Variants in EYS observed in about 807,000 individuals in gnomAD.
EYS encodes the protein EGF-like photoreceptor maintenance factor.
Under a neutral mutation model 282.1 loss-of-function variants are expected in EYS, and 250 were observed. The ratio of observed to expected loss-of-function variants is 0.89; its 90% CI spans 0.80 to 0.98. The LOEUF (loss-of-function observed/expected upper bound fraction) is 0.98, where lower values mean the gene tolerates loss of function less well. EYS is among the 50% of genes least tolerant of loss of function. EYS has a pLI of 0.00. For synonymous variants in EYS, 1,355 were observed against 1,282.9 expected, an observed-to-expected ratio of 1.06 and a Z score of -1.20; for missense variants, 4,016 against 3,709.0, an observed-to-expected ratio of 1.08 and a Z score of -2.15.
chr6:65,419,519 A>T (rs1242874038), intron 5 of EYS, among the ~76,000 whole-genome samples: 2 of 151,916 alleles, frequency 1.3e-5, no homozygotes, highest in Non-Finnish European at 2.9e-5. Context: ...AAACCTGTGT[A>T]ATCTGTACAA....
Position 63,806,323 on chromosome 6 carries a change from GTAT to G in EYS, c.7275_7277del (p.Tyr2426del). 1 of 1,551,162 alleles carries G rather than the reference GTAT, an allele frequency of 6.4e-7. No homozygotes were observed. Among genetic ancestry groups the G allele is most frequent in the Non-Finnish European group, 8.7e-7 (1 of 1,146,574 alleles). The stretch of plus-strand genomic sequence containing the variant: ...TCCGTGAATAAGCCAGGAATGAGGT[GTAT>G]CCAAAGGCATCTGTGCCACTGAACC... On this transcript the variant is annotated inframe_deletion, in exon 37 of 43. Transcript: ENST00000503581.
intron 33 of EYS, among the ~76,000 whole-genome samples, chr6:64,063,088 A>G (rs1771235897): frequency 6.6e-6 from 1 of 152,064 alleles, no homozygotes; most frequent in Admixed American, 6.5e-5. Context: ...TTATGATTTC[A>G]TCTTTCAGTA....
chr6:65,166,127 T>C (rs1005657195), intron 12 of EYS, among the ~76,000 whole-genome samples: 24 of 151,172 alleles, frequency 1.6e-4, no homozygotes, highest in Non-Finnish European at 1.0e-4. Flanking sequence ...TGTTCATGAA[T>C]TGGAAAATTC....
intron 12 of EYS, among the ~76,000 whole-genome samples, chr6:65,288,363 T>C (rs1238015278): frequency 6.6e-6 from 1 of 150,618 alleles, no homozygotes; most frequent in African/African-American, 2.4e-5. Flanking sequence ...CTTTGTACCA[T>C]GGTGTGCTTT....
At chr6:65,648,314 A>ATATGTGTGTGTGTGTGTGTGTGTGTGTG (rs373479571) in intron 1 of EYS, among the ~76,000 whole-genome samples, 1 of 147,792 alleles carries the variant, frequency 6.8e-6, no homozygotes, top group African/African-American at 2.5e-5. Context: ...AAGAAAATAT[A>ATATGTGTGTGTGTGTGTGTGTGTGTGTG]TGTGTGTGTG....
At chr6:65,034,769 A>G (rs780471563) in intron 13 of EYS, among the ~76,000 whole-genome samples, 42 of 152,096 alleles carry the variant, frequency 2.8e-4, no homozygotes, top group Non-Finnish European at 5.6e-4. Flanking sequence ...TATTTATAGC[A>G]ATATAAAAAT....
At chr6:63,954,169 C>T (rs981305896) in intron 35 of EYS, among the ~76,000 whole-genome samples, 2 of 152,168 alleles carry the variant, frequency 1.3e-5, no homozygotes, top group African/African-American at 4.8e-5. Context: ...TCTGATCCAC[C>T]TGACATTCAC....
chr6:65,694,266 AT>A (rs1394777457), intron 1 of EYS, among the ~76,000 whole-genome samples: 1 of 147,860 alleles, frequency 6.8e-6, no homozygotes, highest in African/African-American at 2.5e-5. Context: ...CTCAAAAAAA[AT>A]AAAAAATAAA....
At chr6:65,355,346 C>T (rs1764440130) in intron 8 of EYS, among the ~76,000 whole-genome samples, 1 of 151,948 alleles carries the variant, frequency 6.6e-6, no homozygotes, top group Non-Finnish European at 1.5e-5. Context: ...CACCTGTACC[C>T]CCAAAAGTAT....
At chr6:64,987,991 C>T (rs1583364215) in intron 14 of EYS, among the ~76,000 whole-genome samples, 1 of 150,998 alleles carries the variant, frequency 6.6e-6, no homozygotes, top group African/African-American at 2.4e-5. Context: ...TATACTCATC[C>T]ACATTTATAT....
intron 19 of EYS, among the ~76,000 whole-genome samples, chr6:64,828,113 G>A (rs1024085610): frequency 6.6e-6 from 1 of 151,852 alleles, no homozygotes; most frequent in Non-Finnish European, 1.5e-5. Context: ...AATAATACAA[G>A]ATGAAGAATT....
intron 2 of EYS, among the ~76,000 whole-genome samples, chr6:65,607,850 A>G (rs910059622): frequency 6.6e-6 from 1 of 152,022 alleles, no homozygotes; most frequent in African/African-American, 2.4e-5. Context: ...TTGTTAGAAA[A>G]TTACATTTCA....
intron 31 of EYS, among the ~76,000 whole-genome samples, chr6:64,092,240 G>T (rs1320348576): frequency 6.6e-6 from 1 of 152,216 alleles, no homozygotes; most frequent in African/African-American, 2.4e-5. Context: ...ATAGCAGCAT[G>T]ATTTATAATC....
At chr6:65,658,346 G>C (rs1186959693) in intron 1 of EYS, among the ~76,000 whole-genome samples, 5 of 151,634 alleles carry the variant, frequency 3.3e-5, no homozygotes, top group African/African-American at 1.2e-4. Flanking sequence ...ATGGACTTTT[G>C]TTAATCATAA....
chr6:65,237,486 C>A (rs2150273147), intron 12 of EYS, among the ~76,000 whole-genome samples: 1 of 152,006 alleles, frequency 6.6e-6, no homozygotes, highest in South Asian at 2.1e-4. Context: ...GCCATTTAGG[C>A]AAAAGGGGAT....
At chr6:65,417,752 G>A (rs1046991055) in intron 5 of EYS, among the ~76,000 whole-genome samples, 15 of 151,906 alleles carry the variant, frequency 9.9e-5, no homozygotes, top group African/African-American at 2.9e-4. Flanking sequence ...AGATATTGTC[G>A]TTATGCCTAT....
intron 5 of EYS, among the ~76,000 whole-genome samples, chr6:65,474,999 T>C (rs1582344972): frequency 6.6e-6 from 1 of 152,216 alleles, no homozygotes; most frequent in East Asian, 1.9e-4. Context: ...AAAAATATGC[T>C]TGTAATATAT....
chr6:64,152,675 T>G (rs2150295532), intron 31 of EYS, among the ~76,000 whole-genome samples: 1 of 152,310 alleles, frequency 6.6e-6, no homozygotes, highest in South Asian at 2.1e-4. Context: ...TTGTCATTTC[T>G]TGCTAAGACT....
intron 28 of EYS, among the ~76,000 whole-genome samples, chr6:64,404,139 T>C (rs1426291443): frequency 6.6e-6 from 1 of 152,150 alleles, no homozygotes; most frequent in Non-Finnish European, 1.5e-5. Context: ...AATATTATAG[T>C]TGGGCATTTT....
Sources: allele counts gnomAD v4.1 joint callset (sites outside exome capture counted in the v4.1 genomes callset), GRCh38; gene constraint gnomAD v4.1.1; transcripts MANE v1.5; gene names NCBI Gene and HGNC (gene_info 2026-07-23, HGNC 2026-07-21).